RSRP1: variants seen among roughly 807,000 people sequenced by gnomAD.
RSRP1 encodes arginine/serine-rich protein 1.
A neutral mutation model predicts 33.0 loss-of-function variants in RSRP1; 37 were observed. The ratio of observed to expected loss-of-function variants is 1.12; its 90% CI spans 0.86 to 1.48. RSRP1 has a LOEUF of 1.48. Among genes scored for constraint, RSRP1 ranks in the 40% most tolerant of loss-of-function variants. RSRP1 has a pLI of 0.00. For synonymous variants in RSRP1, 167 were observed against 158.7 expected (o/e 1.05, Z -0.40); for missense variants, 402 against 385.3 (o/e 1.04, Z -0.36).
intron 1 of RSRP1, among the ~76,000 whole-genome samples, chr1:25,293,171 A>G (rs1346103843): frequency 3.1e-5 from 4 of 131,108 alleles, no homozygotes; most frequent in African/African-American, 1.1e-4. Context: ...TCTGCCAAGG[A>G]CTTTGCTATA....
rs1643889278 is a variant in RSRP1 at position 25,307,068 on chromosome 1, G to A, written c.-67+30910C>T. ...CGTGATGCAGAGCTTTGCTGTGGAC[G>A]TGCTCCCACTGCGTACTAGCTGGGC... On this transcript the variant is annotated intron_variant, in intron 1 of 1. Coordinates refer to the RSRP1 transcript ENST00000561867. The A allele has an allele frequency of 2.4e-5, 8 of 331,288 alleles. 1 individual carries two copies. Among genetic ancestry groups the A allele is most frequent in the Admixed American group, 1.2e-4 (3 of 25,484 alleles). 20.5% of individuals were successfully genotyped at this position (331,288 alleles called of 1,614,324 possible).
chr1:25,293,363 T>A lies in RSRP1; in HGVS notation c.-67+44615A>T, dbSNP rs534150216. ...GGGACAGTTCATCTTTTTTTTTTTT[T>A]TATACAACATTTTATTTAAAAAAAT... is the stretch of plus-strand genomic sequence containing the variant. On this transcript the variant is annotated intron_variant, in intron 1 of 1. Transcript: ENST00000561867. Among the ~76,000 whole-genome samples the A allele has an allele frequency of 3.4e-4, 45 of 130,468 alleles. 8 individuals are homozygous for A. Among genetic ancestry groups the A allele is most frequent in the African/African-American group, 7.3e-4 (28 of 38,416 alleles). The allele number at this position is 130,468 out of a possible 152,430, so 85.6% of individuals were successfully genotyped here. A position where few individuals can be genotyped will look rare whatever the true frequency, so the allele number is the denominator to read the frequency against.
intron 1 of RSRP1, among the ~76,000 whole-genome samples, chr1:25,258,515 G>C (rs1269528675): frequency 6.6e-6 from 1 of 152,064 alleles, no homozygotes; most frequent in African/African-American, 2.4e-5. Flanking sequence ...AGACTTTTTG[G>C]AAGACCCTGT....
Position 25,290,878 on chromosome 1 carries a change from G to A in RSRP1, c.-66-43849C>T, listed in dbSNP as rs1215165953. ...GGTTTCCAGGGTTTTGAAAAATAAA[G>A]ACAACCTGTAATCCCAGCTACTTGG... On this transcript the variant is annotated intron_variant, in intron 1 of 1. Coordinates refer to the RSRP1 transcript ENST00000561867. 4.0e-6 allele frequency: 5 copies of A among 1,261,456 alleles called. No individual in the cohort carries two copies. The African/African-American group carries it at 5.8e-5, about 15-fold the overall frequency. 78.1% of individuals were successfully genotyped at this position (1,261,456 alleles called of 1,614,324 possible).
chr1:25,283,923 T>C (rs2124619214), intron 1 of RSRP1, among the ~76,000 whole-genome samples: 1 of 134,244 alleles, frequency 7.4e-6, no homozygotes, highest in South Asian at 2.2e-4. Context: ...TCTCTTCCAC[T>C]CACCTGCCAC....
At chr1:25,250,723 G>A (rs970289959), upstream of RSRP1, among the ~76,000 whole-genome samples, 1 of 152,122 alleles carries the variant, frequency 6.6e-6, no homozygotes, top group Non-Finnish European at 1.5e-5. Flanking sequence ...CTGAAATGTA[G>A]GGGCGGGCCA....
intron 1 of RSRP1, among the ~76,000 whole-genome samples, chr1:25,303,045 G>A (rs1209524632): frequency 7.6e-6 from 1 of 131,510 alleles, no homozygotes; most frequent in Non-Finnish European, 1.8e-5. Context: ...TGTGATGGGT[G>A]CCTAGGATGC....
At chr1:25,272,817 C>A in intron 1 of RSRP1, 2 of 1,194,504 alleles carry the variant, frequency 1.7e-6, no homozygotes, top group Non-Finnish European at 2.4e-6. Context: ...AAAGATTCCC[C>A]CATCTTCTTC....
At chr1:25,299,778 G>C (rs1480376019) in intron 1 of RSRP1, among the ~76,000 whole-genome samples, 9 of 132,766 alleles carry the variant, frequency 6.8e-5, no homozygotes, top group South Asian at 2.3e-4. Flanking sequence ...TTGACGCAGT[G>C]TCACTCTGTC....
Position 25,243,564 on chromosome 1 carries a change from C to G in RSRP1, c.742G>C (p.Ala248Pro). ...NEKPTQQRSI[A>P]FSSNNSVAKP... ...GATATACTTACATTAGAGCTAAAAG[C>G]TATGCTTCTTTGCTGGGTAGGTTTT... is the stretch of plus-strand genomic sequence containing the variant. Residue 248 changes from alanine (A) to proline (P), a missense_variant, in exon 4 of 5, where the codon GCT becomes CCT. Coordinates refer to ENST00000243189, the MANE Select transcript of RSRP1 (RefSeq NM_020317.5). The G allele has an allele frequency of 1.2e-6, 2 of 1,613,766 alleles. No individual in the cohort carries two copies. Among genetic ancestry groups the G allele is most frequent in the Non-Finnish European group, 1.7e-6 (2 of 1,179,836 alleles).
At position 25,322,449 on chromosome 1, in the gene RSRP1, G is replaced by A. The variant is rs549607945; in HGVS notation, c.-67+15529C>T. On this transcript the variant is annotated intron_variant, in intron 1 of 1. Coordinates refer to the RSRP1 transcript ENST00000561867. ...GCACTTTGGGAGGCTGAGGTGGGGC[G>A]ATCACCTGAGGCCAGGAGTTCGAGA... Among the ~76,000 whole-genome samples the A allele has an allele frequency of 2.3e-4, 30 of 133,012 alleles. 4 individuals carry two copies. The highest frequency in any genetic ancestry group is 7.2e-4 in the African/African-American group (28 of 39,158). The allele number at this position is 133,012 out of a possible 152,430, so 87.3% of individuals were successfully genotyped here.
intron 1 of RSRP1, among the ~76,000 whole-genome samples, chr1:25,281,615 C>A (rs1353582143): frequency 7.6e-6 from 1 of 131,550 alleles, no homozygotes; most frequent in East Asian, 1.9e-4. Flanking sequence ...TTTGAGTAAT[C>A]CCAAGAGGAA....
At chr1:25,250,495 T>C (rs1639743181), upstream of RSRP1, among the ~76,000 whole-genome samples, 3 of 152,224 alleles carry the variant, frequency 2.0e-5, no homozygotes, top group South Asian at 6.2e-4. Context: ...TTTATGTCCT[T>C]CATTATGGTT....
At position 25,313,627 on chromosome 1, in the gene RSRP1, C is replaced by G. The variant is rs867420771; in HGVS notation, c.-67+24351G>C. Reference sequence around the variant, plus strand: ...TCCCCTGTAAACAAGAGGCAGAACACGTCATGCAGGGCCACACAAAACTGT... The same window carrying G: ...TCCCCTGTAAACAAGAGGCAGAACAGGTCATGCAGGGCCACACAAAACTGT... On this transcript the variant is annotated intron_variant, in intron 1 of 1. Coordinates refer to the RSRP1 transcript ENST00000561867. Among the ~76,000 whole-genome samples, 18 of 131,898 alleles carry G rather than the reference C, an allele frequency of 1.4e-4. 4 individuals carry two copies. The highest frequency in any genetic ancestry group is 4.1e-4 in the African/African-American group (16 of 38,656). 86.5% of individuals were successfully genotyped at this position (131,898 alleles called of 152,430 possible). A position where few individuals can be genotyped will look rare whatever the true frequency, so the allele number is the denominator to read the frequency against.
intron 1 of RSRP1, among the ~76,000 whole-genome samples, chr1:25,311,168 A>G (rs547024359): frequency 7.6e-6 from 1 of 132,124 alleles, no homozygotes; most frequent in East Asian, 2.0e-4. Context: ...ATAGAACTGA[A>G]GAACCACGTG....
Position 25,272,396 on chromosome 1 carries a change from T to C in RSRP1, c.-66-25367A>G, listed in dbSNP as rs182398403. ...ATAGTCCCTCTGCTTCCGTGTTAAC[T>C]CCATAGAGAGGCCAGCACAACCAGC... On this transcript the variant is annotated intron_variant, in intron 1 of 1. Transcript: ENST00000561867. 8.1e-6 allele frequency: 9 copies of C among 1,116,086 alleles called. 1 individual carries two copies. In the Admixed American group the frequency reaches 8.8e-5, roughly 11 times the overall value. The allele number at this position is 1,116,086 out of a possible 1,614,324, so 69.1% of individuals were successfully genotyped here.
At chr1:25,303,754 C>A (rs112222730) in intron 1 of RSRP1, among the ~76,000 whole-genome samples, 3,890 of 130,736 alleles carry the variant, frequency 0.03, 661 homozygotes, top group African/African-American at 0.093. Context: ...TGGGGAGCCC[C>A]GAAGCCCCTG....
At chr1:25,321,022 T>A (rs1644669008) in intron 1 of RSRP1, among the ~76,000 whole-genome samples, 1 of 131,100 alleles carries the variant, frequency 7.6e-6, no homozygotes, top group South Asian at 2.3e-4. Flanking sequence ...CCAGCCTGGA[T>A]AACAGAATGA....
intron 1 of RSRP1, 23 bp from the exon 2 acceptor site, chr1:25,247,052 ACAAGT>A (rs1214355675): frequency 1.5e-6 from 2 of 1,332,414 alleles, no homozygotes; most frequent in Non-Finnish European, 2.0e-6. Flanking sequence ...GAGAGAAAAA[ACAAGT>A]CGAGTCGCGG....
Sources: gnomAD v4.1 joint callset for allele counts (sites outside exome capture counted in the v4.1 genomes callset) on GRCh38, gnomAD v4.1.1 for gene constraint, MANE v1.5 for transcripts, NCBI Gene and HGNC (gene_info 2026-07-23, HGNC 2026-07-21) for gene names.